Variants in DOC2B observed in about 807,000 individuals in gnomAD.
DOC2B encodes double C2-like domain-containing protein beta.
DOC2B carries 21 observed loss-of-function variants against 28.9 expected under a neutral mutation model. The observed-to-expected ratio is 0.73, with a 90% CI of 0.52 to 1.05. The LOEUF (loss-of-function observed/expected upper bound fraction) is 1.05. Ranked by LOEUF, DOC2B falls within the 50% of genes least tolerant of loss-of-function variation. The pLI, the probability that DOC2B is intolerant of heterozygous loss-of-function variation, is 0.00. For missense variants in DOC2B, 384 were observed against 421.1 expected (o/e 0.91, Z 0.77); for synonymous variants, 194 against 178.1 (o/e 1.09, Z -0.71).
Position 144,605 on chromosome 17 carries a change from G to A in DOC2B, c.*2836C>T, listed in dbSNP as rs1432095648. Reference sequence around the variant, plus strand: ...TCTGCACGGGATCTAAAAGGGTGCTGAGATCCTAGGGAAGGAAGGATCCAA... The same window carrying A: ...TCTGCACGGGATCTAAAAGGGTGCTAAGATCCTAGGGAAGGAAGGATCCAA... On this transcript the variant is annotated 3_prime_UTR_variant, in exon 9 of 9. Coordinates refer to ENST00000613549, the MANE Select transcript of DOC2B (RefSeq NM_003585.5). 5 of 152,232 alleles carry A rather than the reference G, an allele frequency of 3.3e-5. No homozygotes were observed. Among genetic ancestry groups the A allele is most frequent in the Non-Finnish European group, 5.9e-5 (4 of 68,056 alleles). 9.4% of individuals were successfully genotyped at this position (152,232 alleles called of 1,614,324 possible).
At chr17:153,088 T>G (rs1056735643) in intron 6 of DOC2B, among the ~76,000 whole-genome samples, 6 of 152,104 alleles carry the variant, frequency 3.9e-5, no homozygotes, top group African/African-American at 1.4e-4. Flanking sequence ...GAAACAGATG[T>G]GGAGGTCTCG....
chr17:174,954 A>C (rs1801209383), intron 1 of DOC2B, among the ~76,000 whole-genome samples: 1 of 152,086 alleles, frequency 6.6e-6, no homozygotes, highest in African/African-American at 2.4e-5. Context: ...AAAACTACAA[A>C]AATGGCCGGG....
At chr17:163,351 C>T (rs1217748491) in intron 3 of DOC2B, among the ~76,000 whole-genome samples, 2 of 152,174 alleles carry the variant, frequency 1.3e-5, no homozygotes, top group Admixed American at 1.3e-4. Flanking sequence ...ACAGTCCTGC[C>T]TTCCCTAGAG....
chr17:177,823 G>T (rs938561638), intron 1 of DOC2B, among the ~76,000 whole-genome samples: 1 of 152,286 alleles, frequency 6.6e-6, no homozygotes, highest in Non-Finnish European at 1.5e-5. Flanking sequence ...CACAGCCCAT[G>T]GGGGCTGGAA....
chr17:163,961 G>C (rs1018572042), intron 3 of DOC2B, among the ~76,000 whole-genome samples, 169 bp downstream of exon 3: 2 of 152,222 alleles, frequency 1.3e-5, no homozygotes, highest in African/African-American at 4.8e-5. Context: ...GTGTGCAGTT[G>C]AATGGCTGAG....
intron 1 of DOC2B, among the ~76,000 whole-genome samples, chr17:180,815 A>AGGGGGCGCGGCGCCGGCTCCG (rs1310564561): frequency 6.6e-6 from 1 of 151,690 alleles, no homozygotes; most frequent in Non-Finnish European, 1.5e-5. Flanking sequence ...GCTGGCAGGG[A>AGGGGGCGCGGCGCCGGCTCCG]GGGGGCGCGG....
intron 1 of DOC2B, among the ~76,000 whole-genome samples, chr17:180,291 G>A (rs1305974071): frequency 6.6e-6 from 1 of 152,170 alleles, no homozygotes; most frequent in South Asian, 2.1e-4. Context: ...GGCACCCTCG[G>A]GGACGGGAAA....
Position 147,229 on chromosome 17 carries a change from AG to A in DOC2B, c.*211del, listed in dbSNP as rs1369420672. 1 of 392,102 alleles carries A rather than the reference AG, an allele frequency of 2.6e-6. No homozygotes were observed. The highest frequency in any genetic ancestry group is 2.1e-5 in the African/African-American group (1 of 48,460). The allele number at this position is 392,102 out of a possible 1,614,324, so 24.3% of individuals were successfully genotyped here. ...CGGCCTCTTGGGCCCCAGAGAGCTG[AG>A]AGCCCCCCACCCCAGCTCCTTGCCC... On this transcript the variant is annotated 3_prime_UTR_variant, in exon 9 of 9. Transcript: ENST00000613549.
chr17:170,256 CCT>C (rs2040296382), intron 2 of DOC2B, among the ~76,000 whole-genome samples: 1 of 152,132 alleles, frequency 6.6e-6, no homozygotes, highest in Non-Finnish European at 1.5e-5. Context: ...CTGGACATGC[CCT>C]GAGTCATAGC....
intron 1 of DOC2B, among the ~76,000 whole-genome samples, chr17:178,770 G>T (rs1006370443): frequency 1.3e-5 from 2 of 152,226 alleles, no homozygotes; most frequent in Admixed American, 6.5e-5. Flanking sequence ...CAGAGCAACC[G>T]CCCTCATTTC....
At chr17:153,974 A>G (rs1245649946) in intron 6 of DOC2B, among the ~76,000 whole-genome samples, 1 of 152,006 alleles carries the variant, frequency 6.6e-6, no homozygotes, top group African/African-American at 2.4e-5. Context: ...TGCAACCACA[A>G]ATCTACTCTC....
intron 1 of DOC2B, among the ~76,000 whole-genome samples, chr17:179,061 AG>A (rs35289967): frequency 6.6e-6 from 1 of 152,322 alleles, no homozygotes; most frequent in South Asian, 2.1e-4. Context: ...CCCCCCTCGA[AG>A]GGGGCGACAG....
In DOC2B at chr17:163,903, C is replaced by G. The variant is rs184003761; in HGVS notation, c.528+227G>C. Reference sequence around the variant, plus strand: ...GATCAGCAGGTAGGTAACGCTGACTCGTGAGGTCCCCAGGAGGCAACAGGG... The same window carrying G: ...GATCAGCAGGTAGGTAACGCTGACTGGTGAGGTCCCCAGGAGGCAACAGGG... On this transcript the variant is annotated intron_variant, in intron 3 of 8. Coordinates refer to ENST00000613549, the MANE Select transcript of DOC2B (RefSeq NM_003585.5). Among the ~76,000 whole-genome samples the G allele has an allele frequency of 2.0e-3, 307 of 152,306 alleles. 3 individuals carry two copies. Among genetic ancestry groups the G allele is most frequent in the African/African-American group, 7.1e-3 (294 of 41,554 alleles).
chr17:172,269 G>C (rs991377295), intron 2 of DOC2B, among the ~76,000 whole-genome samples: 1 of 151,962 alleles, frequency 6.6e-6, no homozygotes, highest in Admixed American at 6.6e-5. Context: ...CCCTCCCCAG[G>C]CTCGAGGGTC....
Position 181,378 on chromosome 17 carries a change from G to T in DOC2B, c.102C>A (p.Ser34=), listed in dbSNP as rs957217850. 2 of 1,147,628 alleles carry T rather than the reference G, an allele frequency of 1.7e-6. No homozygotes were observed. The highest frequency in any genetic ancestry group is 5.3e-5 in the East Asian group (1 of 18,818). 71.1% of individuals were successfully genotyped at this position (1,147,628 alleles called of 1,614,324 possible). A position where few individuals can be genotyped will look rare whatever the true frequency, so the allele number is the denominator to read the frequency against. Residue 34 remains serine (S), a synonymous_variant, in exon 1 of 9, where the codon TCC becomes TCA. Transcript: ENST00000613549. This position sits in a 1 kb window ranked among gnomAD's most constrained non-coding sequence, Gnocchi z 7.0. Reference sequence around the variant, plus strand: ...CCCGCGGGAAGCGGGGGAAGTAGTCGGAGATCTGCTTGATGGGACGGATGG... The same window carrying T: ...CCCGCGGGAAGCGGGGGAAGTAGTCTGAGATCTGCTTGATGGGACGGATGG... ...PGPIRPIKQI[S]DYFPRFPRGL...
intron 1 of DOC2B, among the ~76,000 whole-genome samples, chr17:174,174 G>A (rs947440498): frequency 3.9e-5 from 6 of 152,138 alleles, no homozygotes; most frequent in African/African-American, 1.2e-4. Context: ...CTTCTAACAC[G>A]GGTCAGGCAC....
rs952271094 is a variant in DOC2B, at chr17:142,920, C to T, written c.*4521G>A. On this transcript the variant is annotated 3_prime_UTR_variant, in exon 9 of 9. Coordinates refer to ENST00000613549, the MANE Select transcript of DOC2B (RefSeq NM_003585.5). Reference sequence around the variant, plus strand: ...ATGAAAATATAAAGTGTGGGGATTGCTACTAGTCCTAATACACTAATCTGT... The same window carrying T: ...ATGAAAATATAAAGTGTGGGGATTGTTACTAGTCCTAATACACTAATCTGT... 3.3e-5 allele frequency: 5 copies of T among 152,290 alleles called. No individual in the cohort carries two copies. The South Asian group carries it at 8.3e-4, about 25-fold the overall frequency. The allele number at this position is 152,290 out of a possible 1,614,324, so 9.4% of individuals were successfully genotyped here.
chr17:177,706 G>A (rs952275259), intron 1 of DOC2B, among the ~76,000 whole-genome samples: 2 of 152,250 alleles, frequency 1.3e-5, no homozygotes, highest in African/African-American at 4.8e-5. Context: ...CTAACACAGA[G>A]CCTGCCACAT....
chr17:155,097 T>C (rs2040118928), intron 6 of DOC2B, among the ~76,000 whole-genome samples: 1 of 152,150 alleles, frequency 6.6e-6, no homozygotes, highest in South Asian at 2.1e-4. Flanking sequence ...CTCAAATTCC[T>C]GGGTTCAAGC....
Sources: allele counts gnomAD v4.1 joint callset (sites outside exome capture counted in the v4.1 genomes callset), GRCh38; gene constraint gnomAD v4.1.1; non-coding constraint Gnocchi (gnomAD v3.1); transcripts MANE v1.5; gene names NCBI Gene and HGNC (gene_info 2026-07-23, HGNC 2026-07-21).